Variants in CNTN5 observed in about 807,000 individuals in gnomAD.
CNTN5 encodes contactin-5.
CNTN5 carries 77 observed loss-of-function variants against 129.1 expected under a neutral mutation model. The observed-to-expected ratio is 0.60, with a 90% CI of 0.50 to 0.72. The LOEUF (loss-of-function observed/expected upper bound fraction) is 0.72. Ranked by LOEUF, CNTN5 falls within the 30% of genes least tolerant of loss-of-function variation. CNTN5 has a pLI of 0.00. For missense variants in CNTN5, 1,478 were observed against 1,328.8 expected (o/e 1.11, Z -1.75); for synonymous variants, 509 against 465.6 (o/e 1.09, Z -1.20).
intron 2 of CNTN5, among the ~76,000 whole-genome samples, chr11:99,349,135 C>T (rs906254406): frequency 1.3e-5 from 2 of 152,116 alleles, no homozygotes; most frequent in African/African-American, 4.8e-5. Context: ...ATCAGAAACA[C>T]CATCTGAAAA....
intron 13 of CNTN5, among the ~76,000 whole-genome samples, chr11:100,110,250 C>G (rs923349796): frequency 2.3e-5 from 2 of 86,634 alleles, no homozygotes; most frequent in African/African-American, 1.2e-4. Context: ...AGAATTTTCT[C>G]TATAAGTTCT....
chr11:99,836,238 C>A (rs568935094), intron 4 of CNTN5, among the ~76,000 whole-genome samples: 1 of 150,998 alleles, frequency 6.6e-6, no homozygotes, highest in African/African-American at 2.4e-5. Flanking sequence ...TGGTGTGCTG[C>A]ACCCATTAAC....
intron 18 of CNTN5, among the ~76,000 whole-genome samples, chr11:100,291,250 A>G (rs1950959469): frequency 1.3e-5 from 2 of 151,660 alleles, no homozygotes; most frequent in Admixed American, 1.3e-4. Flanking sequence ...CAGCCATCCC[A>G]TTACTGGGTA....
intron 1 of CNTN5, among the ~76,000 whole-genome samples, chr11:99,133,059 C>T (rs1193526264): frequency 2.6e-5 from 4 of 152,092 alleles, no homozygotes; most frequent in African/African-American, 7.2e-5. Flanking sequence ...AAAACAGACA[C>T]ATAGACCAGT....
chr11:99,219,701 A>G (rs1200807082), intron 1 of CNTN5, among the ~76,000 whole-genome samples: 2 of 151,854 alleles, frequency 1.3e-5, no homozygotes, highest in Non-Finnish European at 2.9e-5. Context: ...TTGAGCAGAA[A>G]ACTGACATGG....
intron 9 of CNTN5, among the ~76,000 whole-genome samples, chr11:100,056,710 A>C (rs567452308): frequency 1.3e-5 from 2 of 151,858 alleles, no homozygotes; most frequent in East Asian, 1.9e-4. Context: ...AGTGAAGATG[A>C]AAATAAAGAG....
intron 2 of CNTN5, among the ~76,000 whole-genome samples, chr11:99,336,950 AT>A (rs972958079): frequency 6.6e-6 from 1 of 151,842 alleles, no homozygotes; most frequent in African/African-American, 2.4e-5. Flanking sequence ...TGGTGTACAG[AT>A]TTTTTTTTAC....
chr11:99,460,352 T>A (rs1178157270), intron 2 of CNTN5, among the ~76,000 whole-genome samples: 2 of 151,778 alleles, frequency 1.3e-5, no homozygotes. Flanking sequence ...TACATTGTAG[T>A]AGAAAGCACA....
At chr11:99,845,026 A>G (rs1370837524) in intron 5 of CNTN5, 51 bp downstream of exon 5, 16 of 1,608,890 alleles carry the variant, frequency 9.9e-6, no homozygotes, top group Non-Finnish European at 1.1e-5. Flanking sequence ...ACTTTCCATC[A>G]ATGATATTCT....
intron 1 of CNTN5, among the ~76,000 whole-genome samples, chr11:99,213,260 T>C (rs149320015): frequency 0.017 from 2,429 of 145,892 alleles, 38 homozygotes; most frequent in African/African-American, 0.035. Context: ...CATATATACA[T>C]ATATATAAAA....
chr11:99,845,916 CTT>C, intron 6 of CNTN5, among the ~76,000 whole-genome samples: 1 of 151,978 alleles, frequency 6.6e-6, no homozygotes, highest in Non-Finnish European at 1.5e-5. Context: ...TCTCCATCTC[CTT>C]TTTAAGATAT....
intron 18 of CNTN5, among the ~76,000 whole-genome samples, chr11:100,284,964 G>A (rs931142973): frequency 2.0e-5 from 3 of 152,168 alleles, no homozygotes; most frequent in Admixed American, 6.5e-5. Flanking sequence ...GTGGACATAG[G>A]CAGGAAGTAT....
intron 2 of CNTN5, among the ~76,000 whole-genome samples, chr11:99,513,771 T>G (rs997258726): frequency 1.3e-5 from 2 of 152,048 alleles, no homozygotes; most frequent in Non-Finnish European, 2.9e-5. Context: ...TACCATTCAC[T>G]GACAAAGCAC....
intron 1 of CNTN5, among the ~76,000 whole-genome samples, chr11:99,114,750 A>T (rs1857963347): frequency 6.6e-6 from 1 of 152,146 alleles, no homozygotes; most frequent in African/African-American, 2.4e-5. Flanking sequence ...TCATCTGTCA[A>T]GCATCTTCTG....
At chr11:99,671,057 G>A (rs36147259) in intron 3 of CNTN5, among the ~76,000 whole-genome samples, 12 of 151,768 alleles carry the variant, frequency 7.9e-5, no homozygotes, top group Middle Eastern at 3.4e-3. Flanking sequence ...GTGTGCTTGC[G>A]CTTGCACGTG....
intron 3 of CNTN5, among the ~76,000 whole-genome samples, chr11:99,596,388 T>G (rs1287805647): frequency 6.6e-6 from 1 of 152,122 alleles, no homozygotes; most frequent in East Asian, 1.9e-4. Context: ...TTCATAGAAA[T>G]GCAATGTGAA....
intron 8 of CNTN5, among the ~76,000 whole-genome samples, chr11:99,962,499 A>G (rs975415334): frequency 7.9e-5 from 12 of 151,706 alleles, no homozygotes; most frequent in African/African-American, 2.9e-4. Flanking sequence ...ATCCTTTTTT[A>G]TGGCTGCATA....
At chr11:99,935,682 TAA>T (rs1487954262) in intron 7 of CNTN5, among the ~76,000 whole-genome samples, 1 of 152,096 alleles carries the variant, frequency 6.6e-6, no homozygotes, top group African/African-American at 2.4e-5. Context: ...GAATCAGTAT[TAA>T]GTTTGTTGAT....
At chr11:99,454,193 G>A (rs1159445697) in intron 2 of CNTN5, among the ~76,000 whole-genome samples, 1 of 152,030 alleles carries the variant, frequency 6.6e-6, no homozygotes, top group Admixed American at 6.6e-5. Flanking sequence ...AATAAAGGAG[G>A]GGAGGAGAAA....
Sources: allele counts gnomAD v4.1 joint callset (sites outside exome capture counted in the v4.1 genomes callset), GRCh38; gene constraint gnomAD v4.1.1; transcripts MANE v1.5; gene names NCBI Gene and HGNC (gene_info 2026-07-23, HGNC 2026-07-21).